The following KCNH1 variants were observed in gnomAD, a reference collection of about 807,000 sequenced individuals.
KCNH1 encodes potassium voltage-gated channel subfamily H member 1, also known as voltage-gated delayed rectifier potassium channel KCNH1.
A neutral mutation model predicts 69.2 loss-of-function variants in KCNH1; 27 were observed. The ratio of observed to expected loss-of-function variants is 0.39; its 90% CI spans 0.29 to 0.54. The LOEUF is 0.54. Among genes scored for constraint, KCNH1 ranks in the 20% least tolerant of loss-of-function variants. The pLI is 0.68. For synonymous variants in KCNH1, 456 were observed against 487.7 expected (o/e 0.93, Z 0.86); for missense variants, 798 against 1,261.6 (o/e 0.63, Z 5.57).
intron 6 of KCNH1, among the ~76,000 whole-genome samples, chr1:210,991,635 AAC>A (rs1688939214): frequency 6.7e-6 from 1 of 149,180 alleles, no homozygotes; most frequent in Non-Finnish European, 1.5e-5. Flanking sequence ...ACACACACAT[AAC>A]ACATACACAC....
chr1:210,861,391 A>C, intron 7 of KCNH1: 1 of 778,080 alleles, frequency 1.3e-6, no homozygotes, highest in Non-Finnish European at 2.4e-6. Context: ...CACCAACAAC[A>C]AATTCCTTCA....
rs1428386014 is a variant in KCNH1 at position 211,103,567 on chromosome 1, A to G, written c.239T>C (p.Ile80Thr). 5 of 1,613,332 alleles carry G rather than the reference A, an allele frequency of 3.1e-6. No homozygotes were observed. In the Admixed American group the frequency reaches 5.0e-5, roughly 16 times the overall value. Residue 80 changes from isoleucine (I) to threonine (T), a missense_variant, in exon 3 of 11, where the codon ATT becomes ACT. Physicochemically the swap from Ile to Thr is moderately conservative, Grantham distance 89 (BLOSUM62 -1). This residue lies in a region of KCNH1 where 266 missense variants were observed against 457.2 expected (regional missense o/e 0.58). Transcript: ENST00000271751. ...CTCAAATGTTTGCCGCACTTTTTCAATCGTGTCTTTATCAGTCAGCTCCCC... is the reference window on the plus strand; with the variant it reads ...CTCAAATGTTTGCCGCACTTTTTCAGTCGTGTCTTTATCAGTCAGCTCCCC... ...MYGELTDKDT[I>T]EKVRQTFENY...
chr1:211,036,279 T>C (rs141947393), intron 5 of KCNH1, among the ~76,000 whole-genome samples: 5 of 152,164 alleles, frequency 3.3e-5, no homozygotes, highest in African/African-American at 1.2e-4. Context: ...ATTGTCCAGA[T>C]GCAGTGTTCT....
intron 1 of KCNH1, among the ~76,000 whole-genome samples, chr1:211,119,134 G>T (rs1264200370): frequency 1.3e-5 from 2 of 152,236 alleles, no homozygotes. Flanking sequence ...GCCGAGGCAG[G>T]CAGATCACGA....
intron 8 of KCNH1, among the ~76,000 whole-genome samples, chr1:210,800,368 A>T (rs1684404183): frequency 6.6e-6 from 1 of 152,240 alleles, no homozygotes; most frequent in Admixed American, 6.5e-5. Flanking sequence ...AACTGTGCCC[A>T]GTCGTCTGGA....
chr1:210,700,450 C>G (rs1349918691), intron 10 of KCNH1, among the ~76,000 whole-genome samples: 3 of 152,186 alleles, frequency 2.0e-5, no homozygotes, highest in African/African-American at 7.2e-5. Flanking sequence ...CCTTCTGACT[C>G]CTTTAAAGTT....
intron 5 of KCNH1, among the ~76,000 whole-genome samples, chr1:211,078,282 A>G: frequency 6.6e-6 from 1 of 152,236 alleles, no homozygotes; most frequent in Non-Finnish European, 1.5e-5. Flanking sequence ...ATAGACATCT[A>G]CAGAACTCTC....
chr1:210,753,115 C>G (rs748699140), intron 10 of KCNH1, among the ~76,000 whole-genome samples: 6 of 152,136 alleles, frequency 3.9e-5, no homozygotes, highest in Non-Finnish European at 8.8e-5. Context: ...CCTCTGACCC[C>G]TGAAAGTGTG....
At chr1:210,882,252 T>C (rs1686511689) in intron 7 of KCNH1, among the ~76,000 whole-genome samples, 1 of 152,080 alleles carries the variant, frequency 6.6e-6, no homozygotes, top group South Asian at 2.1e-4. Context: ...CCAAAGTAAG[T>C]GGTTTTCACA....
intron 10 of KCNH1, among the ~76,000 whole-genome samples, chr1:210,719,468 T>C (rs113525631): frequency 6.4e-4 from 97 of 152,294 alleles, no homozygotes; most frequent in African/African-American, 2.2e-3. Context: ...CACCACATGT[T>C]CTCACTCATA....
intron 9 of KCNH1, among the ~76,000 whole-genome samples, chr1:210,794,983 T>C (rs919189348): frequency 1.3e-5 from 2 of 152,192 alleles, no homozygotes; most frequent in African/African-American, 4.8e-5. Context: ...TATACACAGT[T>C]GAATCTCACT....
intron 6 of KCNH1, among the ~76,000 whole-genome samples, chr1:210,959,513 C>T (rs551461256): frequency 7.9e-5 from 12 of 152,328 alleles, no homozygotes; most frequent in African/African-American, 2.4e-4. Flanking sequence ...TCAGCTATGC[C>T]CTGTCCACAG....
At position 210,797,637 on chromosome 1, in the gene KCNH1, C is replaced by T. The variant is rs1486842407; in HGVS notation, c.1786G>A (p.Glu596Lys). ...GGGGCACAGTGCACCGTCTGGAACT[C>T]CATGGCCAGTGCCCGGAGGCAGCCA... ...SDGCLRALAM[E>K]FQTVHCAPGD... The change falls in exon 9 of 11, where the codon GAG becomes AAG. Residue 596 changes from glutamate to lysine, a missense_variant. Coordinates refer to ENST00000271751, the MANE Select transcript of KCNH1 (RefSeq NM_172362.3). 1.2e-6 allele frequency: 2 copies of T among 1,614,238 alleles called. No homozygotes were observed. The highest frequency in any genetic ancestry group is 2.2e-5 in the South Asian group (2 of 91,084).
At chr1:211,053,425 G>A (rs1690243920) in intron 5 of KCNH1, among the ~76,000 whole-genome samples, 1 of 152,178 alleles carries the variant, frequency 6.6e-6, no homozygotes. Flanking sequence ...AACCAGTTAT[G>A]CACTATAGGA....
At position 211,022,232 on chromosome 1, in the gene KCNH1, A is replaced by T. The variant is rs187182691; in HGVS notation, c.559-2976T>A. 5.1e-3 allele frequency among the ~76,000 whole-genome samples: 778 copies of T among 152,320 alleles called. 10 individuals carry two copies. Among genetic ancestry groups the T allele is most frequent in the African/African-American group, 0.018 (739 of 41,580 alleles). On this transcript the variant is annotated intron_variant, in intron 5 of 10. Transcript: ENST00000271751. ...CAAGAATATACATTGAGAATAGGAC[A>T]GTCTCTTCAACAAATGGTGCTGGGA... is the stretch of plus-strand genomic sequence containing the variant.
intron 5 of KCNH1, among the ~76,000 whole-genome samples, chr1:211,036,987 T>C (rs546484726): frequency 1.3e-5 from 2 of 152,300 alleles, no homozygotes; most frequent in African/African-American, 4.8e-5. Flanking sequence ...CCATTATTTA[T>C]GGGGTCAAAC....
chr1:210,859,639 T>C (rs1685931500), intron 7 of KCNH1: 1 of 1,351,292 alleles, frequency 7.4e-7, no homozygotes, highest in Non-Finnish European at 1.1e-6. Context: ...ACTGTCATTC[T>C]TGTGTTCTGC....
chr1:210,760,914 G>A (rs1345815127), intron 10 of KCNH1, among the ~76,000 whole-genome samples: 1 of 152,168 alleles, frequency 6.6e-6, no homozygotes, highest in Admixed American at 6.5e-5. Flanking sequence ...AGATTTGGGT[G>A]AGAACACAGT....
intron 10 of KCNH1, among the ~76,000 whole-genome samples, chr1:210,712,826 A>T (rs1384046689): frequency 6.6e-6 from 1 of 152,128 alleles, no homozygotes; most frequent in African/African-American, 2.4e-5. Flanking sequence ...GTACCTGCCT[A>T]CAAGTCTTGG....
Sources: allele counts gnomAD v4.1 joint callset (sites outside exome capture counted in the v4.1 genomes callset), GRCh38; gene constraint gnomAD v4.1.1; regional missense constraint gnomAD v4.1.1; transcripts MANE v1.5; gene names NCBI Gene and HGNC (gene_info 2026-07-23, HGNC 2026-07-21).